CSNK2A2IP: variants seen among roughly 807,000 people sequenced by gnomAD.
The protein encoded by CSNK2A2IP is casein kinase II subunit alpha'-interacting protein.
the CSNK2A2IP span, among the ~76,000 whole-genome samples, chr3:88,409,937 G>A: frequency 1.3e-5 from 2 of 151,980 alleles, no homozygotes; most frequent in Non-Finnish European, 2.9e-5. Flanking sequence ...AAATGCATCA[G>A]GGTGACATAT....
the CSNK2A2IP span, among the ~76,000 whole-genome samples, chr3:88,414,280 T>G: frequency 1.6e-5 from 2 of 121,766 alleles, no homozygotes; most frequent in African/African-American, 3.2e-5. Context: ...GTTTTTTTTT[T>G]TTTTTTTTTT....
chr3:88,351,968 G>A, the CSNK2A2IP span, among the ~76,000 whole-genome samples: 14 of 152,068 alleles, frequency 9.2e-5, no homozygotes, highest in East Asian at 2.1e-3. Flanking sequence ...GCATTAAAAC[G>A]TTTATTATTT....
the CSNK2A2IP span, chr3:88,465,610 G>T: frequency 8.1e-7 from 1 of 1,231,670 alleles, no homozygotes; most frequent in Non-Finnish European, 1.0e-6. Context: ...GAGCTTCTGT[G>T]ATAGGTTTCT....
the CSNK2A2IP span, among the ~76,000 whole-genome samples, chr3:88,350,666 A>T: frequency 6.6e-6 from 1 of 152,118 alleles, no homozygotes; most frequent in African/African-American, 2.4e-5. Flanking sequence ...AGCGTATCAG[A>T]CTATCCTTCA....
At chr3:88,443,511 C>T in the CSNK2A2IP span, among the ~76,000 whole-genome samples, 1 of 152,024 alleles carries the variant, frequency 6.6e-6, no homozygotes, top group South Asian at 2.1e-4. Context: ...AAACAGATGC[C>T]AGCAATAGTC....
At chr3:88,452,303 A>C in the CSNK2A2IP span, among the ~76,000 whole-genome samples, 3 of 152,088 alleles carry the variant, frequency 2.0e-5, no homozygotes, top group Non-Finnish European at 4.4e-5. Flanking sequence ...TCCTGAAATT[A>C]AAAGCGAAAA....
At chr3:88,367,756 A>G in the CSNK2A2IP span, among the ~76,000 whole-genome samples, 3 of 152,120 alleles carry the variant, frequency 2.0e-5, no homozygotes, top group African/African-American at 7.2e-5. Context: ...TGTGTTATCT[A>G]AATAATTTGT....
At chr3:88,424,921 G>T in the CSNK2A2IP span, among the ~76,000 whole-genome samples, 1 of 151,938 alleles carries the variant, frequency 6.6e-6, no homozygotes, top group African/African-American at 2.4e-5. Context: ...ACAGCCTAAG[G>T]AATGAATCTA....
the CSNK2A2IP span, among the ~76,000 whole-genome samples, chr3:88,418,103 G>A: frequency 2.7e-5 from 4 of 147,766 alleles, no homozygotes; most frequent in Non-Finnish European, 4.6e-5. Flanking sequence ...ATAGTTGTAC[G>A]TATAAGAAAA....
chr3:88,381,888 G>C, the CSNK2A2IP span, among the ~76,000 whole-genome samples: 2 of 152,126 alleles, frequency 1.3e-5, no homozygotes, highest in African/African-American at 4.8e-5. Flanking sequence ...TCAAGTTATA[G>C]ACATTAAATA....
At chr3:88,362,951 C>A in the CSNK2A2IP span, among the ~76,000 whole-genome samples, 1 of 152,120 alleles carries the variant, frequency 6.6e-6, no homozygotes, top group Non-Finnish European at 1.5e-5. Flanking sequence ...CTGCAGCTAA[C>A]GTTTTTCCCT....
the CSNK2A2IP span, among the ~76,000 whole-genome samples, chr3:88,429,142 A>G: frequency 1.3e-5 from 2 of 151,790 alleles, no homozygotes; most frequent in Non-Finnish European, 2.9e-5. Flanking sequence ...GTTCATGTCC[A>G]AACATGATTC....
At chr3:88,448,073 A>G in the CSNK2A2IP span, among the ~76,000 whole-genome samples, 1 of 152,178 alleles carries the variant, frequency 6.6e-6, no homozygotes, top group Non-Finnish European at 1.5e-5. Flanking sequence ...TCCGGTACTT[A>G]CCAGTGTCTC....
At chr3:88,455,065 C>T in the CSNK2A2IP span, among the ~76,000 whole-genome samples, 1 of 151,610 alleles carries the variant, frequency 6.6e-6, no homozygotes, top group Non-Finnish European at 1.5e-5. Context: ...GAAGGATTTC[C>T]TTCTTTTTTA....
the CSNK2A2IP span, among the ~76,000 whole-genome samples, chr3:88,411,864 G>A: frequency 6.6e-6 from 1 of 150,720 alleles, no homozygotes; most frequent in Non-Finnish European, 1.5e-5. Flanking sequence ...CATATAATAA[G>A]AAAATATTTT....
the CSNK2A2IP span, among the ~76,000 whole-genome samples, chr3:88,461,527 T>C: frequency 6.6e-6 from 1 of 152,192 alleles, no homozygotes; most frequent in African/African-American, 2.4e-5. Flanking sequence ...CACTCCAGCC[T>C]GGGCGACAGA....
the CSNK2A2IP span, among the ~76,000 whole-genome samples, chr3:88,376,380 A>G: frequency 6.6e-6 from 1 of 151,726 alleles, no homozygotes; most frequent in Admixed American, 6.6e-5. Flanking sequence ...AGTGAGGTGA[A>G]TGAATACTGA....
the CSNK2A2IP span, among the ~76,000 whole-genome samples, chr3:88,339,990 G>A: frequency 6.6e-6 from 1 of 151,916 alleles, no homozygotes; most frequent in African/African-American, 2.4e-5. Flanking sequence ...TTTTAGATAT[G>A]CATTGGTCCT....
chr3:88,400,197 C>T, the CSNK2A2IP span, among the ~76,000 whole-genome samples: 1 of 152,080 alleles, frequency 6.6e-6, no homozygotes, highest in Non-Finnish European at 1.5e-5. Context: ...CTGAGCCAGG[C>T]AGAGAAGGGC....
Sources: gnomAD v4.1 joint callset for allele counts (sites outside exome capture counted in the v4.1 genomes callset) on GRCh38, gnomAD v4.1.1 for gene constraint, MANE v1.5 for transcripts, NCBI Gene and HGNC (gene_info 2026-07-23, HGNC 2026-07-21) for gene names.